Variants in KCNMA1 observed in about 807,000 individuals in gnomAD.
KCNMA1 encodes the protein Calcium-activated potassium channel subunit alpha-1.
KCNMA1 carries 29 observed loss-of-function variants against 140.0 expected under a neutral mutation model. The ratio of observed to expected loss-of-function variants is 0.21; its 90% CI spans 0.15 to 0.28. KCNMA1 has a LOEUF of 0.28. Among genes scored for constraint, KCNMA1 ranks in the 10% least tolerant of loss-of-function variants. The pLI is 1.00. For missense variants in KCNMA1, 880 were observed against 1,602.2 expected (o/e 0.55, Z 7.70); for synonymous variants, 612 against 611.9 (o/e 1.00, Z 0.00).
chr10:77,357,885 G>C (rs11002136), intron 2 of KCNMA1, among the ~76,000 whole-genome samples: 2,323 of 152,256 alleles, frequency 0.015, 57 homozygotes, highest in African/African-American at 0.053. Context: ...GTCAGCTTAA[G>C]AAAGACAGAA....
At chr10:77,489,480 C>T (rs560663685) in intron 1 of KCNMA1, among the ~76,000 whole-genome samples, 12 of 152,174 alleles carry the variant, frequency 7.9e-5, no homozygotes, top group Non-Finnish European at 1.6e-4. Context: ...GAATTACAGG[C>T]ACCCGCTACC....
At chr10:76,970,304 A>C in intron 19 of KCNMA1, 1 of 468,198 alleles carries the variant, frequency 2.1e-6, no homozygotes, top group Non-Finnish European at 3.9e-6. Context: ...ACAGACTAAA[A>C]CAGTTTGTAA....
At chr10:77,026,078 T>C (rs1489479819) in intron 16 of KCNMA1, among the ~76,000 whole-genome samples, 1 of 151,704 alleles carries the variant, frequency 6.6e-6, no homozygotes, top group Non-Finnish European at 1.5e-5. Context: ...TGTGACTCAA[T>C]TGAAGGGCCT....
At chr10:77,233,556 C>CA (rs1380385996) in intron 3 of KCNMA1, among the ~76,000 whole-genome samples, 23 of 152,196 alleles carry the variant, frequency 1.5e-4, no homozygotes, top group African/African-American at 4.8e-4. Flanking sequence ...AACTGTTTAT[C>CA]GTGAATGCAG....
intron 13 of KCNMA1, among the ~76,000 whole-genome samples, chr10:77,075,538 G>A (rs1300275067): frequency 6.6e-6 from 1 of 152,172 alleles, no homozygotes; most frequent in African/African-American, 2.4e-5. Flanking sequence ...GCTATCTAAG[G>A]TATAAGGCTG....
intron 1 of KCNMA1, among the ~76,000 whole-genome samples, chr10:77,552,756 C>T (rs950697043): frequency 2.0e-4 from 31 of 152,110 alleles, no homozygotes; most frequent in African/African-American, 7.2e-4. Context: ...ATTTAAGAAT[C>T]CAAAAAGGTT....
intron 19 of KCNMA1, chr10:76,979,349 C>T (rs1004799386): frequency 6.6e-6 from 1 of 152,172 alleles, no homozygotes; most frequent in Non-Finnish European, 1.5e-5. Flanking sequence ...TCAGGTCTCT[C>T]GTGGACTTTA....
chr10:76,920,881 C>T (rs553280474), intron 23 of KCNMA1, among the ~76,000 whole-genome samples: 2 of 152,288 alleles, frequency 1.3e-5, no homozygotes, highest in East Asian at 3.9e-4. Context: ...ACAACTGGGA[C>T]CCATTGTAGT....
intron 1 of KCNMA1, among the ~76,000 whole-genome samples, chr10:77,573,571 A>G (rs1603637256): frequency 6.6e-6 from 1 of 151,932 alleles, no homozygotes; most frequent in Non-Finnish European, 1.5e-5. Context: ...TGACCAGGAA[A>G]TCTATGTAAC....
At chr10:76,978,833 C>G (rs747346345) in intron 19 of KCNMA1, among the ~76,000 whole-genome samples, 1 of 152,220 alleles carries the variant, frequency 6.6e-6, no homozygotes, top group Non-Finnish European at 1.5e-5. Context: ...GTTTCCACCC[C>G]TAGTGAATTC....
intron 1 of KCNMA1, among the ~76,000 whole-genome samples, chr10:77,542,297 T>C (rs1462177337): frequency 6.6e-6 from 1 of 152,178 alleles, no homozygotes; most frequent in Admixed American, 6.5e-5. Context: ...AAAGGAAGAA[T>C]TGGCATAAAG....
chr10:77,262,226 T>C (rs752832422), intron 2 of KCNMA1, among the ~76,000 whole-genome samples: 8 of 152,124 alleles, frequency 5.3e-5, no homozygotes, highest in Non-Finnish European at 8.8e-5. Context: ...TACTATTCAG[T>C]GTTAATAAAG....
rs181014051 is a variant in KCNMA1, at chr10:76,993,238, A to T, written c.2266+8169T>A. Among the ~76,000 whole-genome samples the T allele has an allele frequency of 1.4e-3, 213 of 152,318 alleles. 1 individual carries two copies. The highest frequency in any genetic ancestry group is 2.0e-3 in the Non-Finnish European group (136 of 68,032). Reference sequence around the variant, plus strand: ...AGATATATTTGAACTGGGGAAGATGATGAGGAATAAGGAAGAAATAATGGT... The same window carrying T: ...AGATATATTTGAACTGGGGAAGATGTTGAGGAATAAGGAAGAAATAATGGT... On this transcript the variant is annotated intron_variant, in intron 19 of 27. Coordinates refer to ENST00000286628, the MANE Select transcript of KCNMA1 (RefSeq NM_001161352.2).
intron 19 of KCNMA1, among the ~76,000 whole-genome samples, chr10:76,981,801 C>G (rs2395453): frequency 0.24 from 36,764 of 152,160 alleles, 5,523 homozygotes; most frequent in East Asian, 0.57. Context: ...GTGTTCAATT[C>G]TAATGTGTTC....
intron 2 of KCNMA1, among the ~76,000 whole-genome samples, chr10:77,359,056 G>A (rs565845845): frequency 9.2e-5 from 14 of 152,204 alleles, no homozygotes; most frequent in Admixed American, 5.9e-4. Flanking sequence ...AAGGTAACAG[G>A]GCCTGGGTAA....
In KCNMA1 at chr10:76,943,028, C is replaced by A. The variant is rs1382652427; in HGVS notation, c.2902+1745G>T. Among the ~76,000 whole-genome samples the A allele has an allele frequency of 2.6e-5, 4 of 152,196 alleles. No individual in the cohort carries two copies. The East Asian group carries it at 7.7e-4, about 29-fold the overall frequency. On this transcript the variant is annotated intron_variant, in intron 23 of 27. Coordinates refer to ENST00000286628, the MANE Select transcript of KCNMA1 (RefSeq NM_001161352.2). ...CCATGAGGTTCTGTAACTCTAACAG[C>A]CTCCCCCAACAGACACCCATACTGG...
intron 3 of KCNMA1, among the ~76,000 whole-genome samples, chr10:77,242,236 A>G (rs2057451027): frequency 6.6e-6 from 1 of 152,234 alleles, no homozygotes; most frequent in Non-Finnish European, 1.5e-5. Context: ...TCATTGGACA[A>G]CAGGTATTAC....
At chr10:77,029,102 T>C (rs2093721923) in intron 15 of KCNMA1, among the ~76,000 whole-genome samples, 1 of 152,126 alleles carries the variant, frequency 6.6e-6, no homozygotes, top group South Asian at 2.1e-4. Context: ...TAAAAATACA[T>C]GAATATGTAA....
chr10:77,099,420 G>A (rs907794405), intron 9 of KCNMA1, among the ~76,000 whole-genome samples: 1 of 152,090 alleles, frequency 6.6e-6, no homozygotes, highest in African/African-American at 2.4e-5. Flanking sequence ...TACTTGCATA[G>A]GCCCCAGCAG....
Sources: gnomAD v4.1 joint callset for allele counts (sites outside exome capture counted in the v4.1 genomes callset) on GRCh38, gnomAD v4.1.1 for gene constraint, MANE v1.5 for transcripts, NCBI Gene and HGNC (gene_info 2026-07-23, HGNC 2026-07-21) for gene names.